The following MYO18B variants were observed in gnomAD, a reference collection of about 807,000 sequenced individuals.
MYO18B encodes myosin XVIIIB.
MYO18B carries 204 observed loss-of-function variants against 273.0 expected under a neutral mutation model. The observed-to-expected ratio is 0.75, with a 90% CI of 0.67 to 0.84. The LOEUF (loss-of-function observed/expected upper bound fraction) is 0.84, where lower values mean the gene tolerates loss of function less well. Ranked by LOEUF, MYO18B falls within the 40% of genes least tolerant of loss-of-function variation. The pLI is 0.00. For synonymous variants in MYO18B, 1,330 were observed against 1,305.7 expected (o/e 1.02, Z -0.40); for missense variants, 3,212 against 3,287.6 (o/e 0.98, Z 0.56).
At chr22:25,897,924 G>A (rs1441470757) in intron 28 of MYO18B, 3 of 169,976 alleles carry the variant, frequency 1.8e-5, no homozygotes, top group Non-Finnish European at 3.8e-5. Flanking sequence ...CATTTTGGCT[G>A]CTCTGTGGCT....
At chr22:25,893,724 C>T (rs1038015180) in intron 27 of MYO18B, among the ~76,000 whole-genome samples, 1 of 152,088 alleles carries the variant, frequency 6.6e-6, no homozygotes, top group Non-Finnish European at 1.5e-5. Context: ...ATTGAGGTCA[C>T]CTCTTTCAAG....
At chr22:25,808,939 G>A (rs2088608750) in intron 12 of MYO18B, among the ~76,000 whole-genome samples, 1 of 152,082 alleles carries the variant, frequency 6.6e-6, no homozygotes, top group South Asian at 2.1e-4. Flanking sequence ...TTTTAGAAGA[G>A]GCTGACCTGG....
intron 22 of MYO18B, among the ~76,000 whole-genome samples, chr22:25,871,564 C>A (rs959664879): frequency 6.6e-6 from 1 of 152,062 alleles, no homozygotes; most frequent in Non-Finnish European, 1.5e-5. Context: ...GTGGTTTTGT[C>A]CCCCGTGGAT....
intron 11 of MYO18B, among the ~76,000 whole-genome samples, chr22:25,788,779 T>A (rs1374177134): frequency 6.6e-6 from 1 of 152,192 alleles, no homozygotes; most frequent in Non-Finnish European, 1.5e-5. Context: ...GTTTCATCTG[T>A]AACAGCTGGT....
chr22:26,026,498 G>A lies in MYO18B; in HGVS notation c.6524G>A (p.Ser2175Asn), dbSNP rs1308606309. 16 of 1,613,832 alleles carry A rather than the reference G, an allele frequency of 9.9e-6. No individual in the cohort carries two copies. The highest frequency in any genetic ancestry group is 1.2e-5 in the Non-Finnish European group (14 of 1,179,902). Reference protein sequence around the residue: ...TERTQSALALSRARSTNVHSK... With the variant: ...TERTQSALALNRARSTNVHSK... ...AGGACCCAGTCGGCATTGGCACTGAGCAGAGCCCGGTCCACCAATGTCCAC... is the reference window on the plus strand; with the variant it reads ...AGGACCCAGTCGGCATTGGCACTGAACAGAGCCCGGTCCACCAATGTCCAC... Residue 2175 changes from serine to asparagine, a missense_variant, in exon 43 of 44, where the codon AGC (serine) becomes AAC (asparagine). By Grantham distance (46) the Ser-to-Asn change is conservative (BLOSUM62 1). Coordinates refer to ENST00000335473, the MANE Select transcript of MYO18B (RefSeq NM_032608.7).
At chr22:26,004,894 C>G in intron 42 of MYO18B, 39 bp downstream of exon 42, 1 of 1,609,172 alleles carries the variant, frequency 6.2e-7, no homozygotes, top group Non-Finnish European at 8.5e-7. Flanking sequence ...TGGCTAATAG[C>G]TTGAAGAATC....
downstream of MYO18B, among the ~76,000 whole-genome samples, chr22:26,035,690 G>A (rs948023926): frequency 7.9e-5 from 12 of 152,198 alleles, no homozygotes; most frequent in Non-Finnish European, 1.6e-4. Context: ...CAGAAGAAAA[G>A]CTGTATTGGA....
At chr22:26,013,231 G>A (rs1257586534) in intron 42 of MYO18B, among the ~76,000 whole-genome samples, 1 of 152,110 alleles carries the variant, frequency 6.6e-6, no homozygotes, top group Non-Finnish European at 1.5e-5. Context: ...CTCAACAGGG[G>A]ACAGCTGGCA....
intron 12 of MYO18B, among the ~76,000 whole-genome samples, chr22:25,815,004 A>C (rs1193642337): frequency 1.3e-5 from 2 of 152,202 alleles, no homozygotes; most frequent in East Asian, 3.8e-4. Context: ...TACATCACTG[A>C]ATTGCAGGGT....
At chr22:25,949,161 A>C (rs774203619) in intron 36 of MYO18B, among the ~76,000 whole-genome samples, 26 of 152,278 alleles carry the variant, frequency 1.7e-4, no homozygotes, top group Non-Finnish European at 3.4e-4. Flanking sequence ...GTTGGAGAGG[A>C]GCAGCCAGCA....
chr22:25,957,599 T>C (rs1397170923), intron 39 of MYO18B, among the ~76,000 whole-genome samples: 1 of 152,186 alleles, frequency 6.6e-6, no homozygotes, highest in Non-Finnish European at 1.5e-5. Context: ...ACAACAGAAA[T>C]TCATTCTCTC....
chr22:25,761,283 C>G (rs992475778), intron 2 of MYO18B, among the ~76,000 whole-genome samples, 152 bp downstream of exon 2: 4 of 152,214 alleles, frequency 2.6e-5, no homozygotes, highest in African/African-American at 9.7e-5. Context: ...TTCTCCCAGC[C>G]AGCTCGGTTA....
chr22:25,798,233 G>C (rs984234666), intron 12 of MYO18B, 136 bp downstream of exon 12: 2 of 1,201,306 alleles, frequency 1.7e-6, no homozygotes, highest in Non-Finnish European at 2.2e-6. Context: ...CCCTTGGGGA[G>C]GCTGCTGAAA....
intron 29 of MYO18B, among the ~76,000 whole-genome samples, chr22:25,902,171 A>G (rs1228079611): frequency 1.3e-5 from 2 of 151,832 alleles, no homozygotes; most frequent in African/African-American, 2.4e-5. Context: ...CTATATCTGT[A>G]TATAGTTTTA....
chr22:25,750,484 C>T (rs999963210), intron 1 of MYO18B, among the ~76,000 whole-genome samples: 3 of 152,106 alleles, frequency 2.0e-5, no homozygotes, highest in Non-Finnish European at 2.9e-5. Flanking sequence ...GTCTGGCCTC[C>T]GATATGACCA....
rs114090829 is a variant in MYO18B at position 26,004,849 on chromosome 22, G to A, written c.6464G>A (p.Ser2155Asn). The change falls in exon 42 of 44, where the codon AGC becomes AAC. Residue 2155 changes from serine to asparagine, a missense_variant. Physicochemically the swap from Ser to Asn is conservative, Grantham distance 46 (BLOSUM62 1). Coordinates refer to ENST00000335473, the MANE Select transcript of MYO18B (RefSeq NM_032608.7). ...RQSATSSRIL[S>N]PRINEEAGDT... ...TCAGCCACCAGCAGCCGCATCCTCAGCCCCAGGTAAGAGTATCTCCTTGCT... is the reference window on the plus strand; with the variant it reads ...TCAGCCACCAGCAGCCGCATCCTCAACCCCAGGTAAGAGTATCTCCTTGCT... 1 of 1,613,568 alleles carries A rather than the reference G, an allele frequency of 6.2e-7. No individual in the cohort carries two copies. The highest frequency in any genetic ancestry group is 1.3e-5 in the African/African-American group (1 of 75,046).
intron 34 of MYO18B, among the ~76,000 whole-genome samples, chr22:25,929,139 G>A (rs1221352007): frequency 1.6e-5 from 2 of 123,988 alleles, no homozygotes; most frequent in African/African-American, 6.8e-5. Flanking sequence ...TCCAGCCTGG[G>A]CAACAAGAGC....
intron 39 of MYO18B, among the ~76,000 whole-genome samples, chr22:25,956,485 G>A (rs2092853971): frequency 6.6e-6 from 1 of 152,150 alleles, no homozygotes; most frequent in Admixed American, 6.5e-5. Flanking sequence ...CAAAGTGCTA[G>A]GATTACAAGT....
At chr22:25,802,266 G>A (rs1442262119) in intron 12 of MYO18B, among the ~76,000 whole-genome samples, 1 of 152,182 alleles carries the variant, frequency 6.6e-6, no homozygotes, top group Admixed American at 6.5e-5. Context: ...GGCAAGGGAT[G>A]GGGAGAGGGC....
Sources: allele counts gnomAD v4.1 joint callset (sites outside exome capture counted in the v4.1 genomes callset), GRCh38; gene constraint gnomAD v4.1.1; transcripts MANE v1.5; gene names NCBI Gene and HGNC (gene_info 2026-07-23, HGNC 2026-07-21).